TENM2: variants seen among roughly 807,000 people sequenced by gnomAD.
The protein encoded by TENM2 is teneurin-2.
In TENM2, 52 loss-of-function variants were observed where a neutral mutation model predicts 245.2. The observed-to-expected ratio is 0.21, with a 90% CI of 0.17 to 0.27. TENM2 has a LOEUF of 0.27. TENM2 is among the 10% of genes least tolerant of loss of function. TENM2 has a pLI of 1.00. For missense variants in TENM2, 3,046 were observed against 3,666.8 expected (o/e 0.83, Z 4.37); for synonymous variants, 1,363 against 1,438.9 (o/e 0.95, Z 1.19).
chr5:168,226,277 C>A lies in TENM2; in HGVS notation c.5284+14C>A. On this transcript the variant is annotated intron_variant, in intron 24 of 28. Transcript: ENST00000518659. ...CAGTGGTACAAGGTGAGCCTCCACC[C>A]ATACCATCCTACCCCCAAACTCACC... 1 of 1,609,142 alleles carries A rather than the reference C, an allele frequency of 6.2e-7. No homozygotes were observed.
At chr5:168,172,457 A>T (rs1581530455) in intron 13 of TENM2, among the ~76,000 whole-genome samples, 1 of 152,242 alleles carries the variant, frequency 6.6e-6, no homozygotes, top group Middle Eastern at 3.4e-3. Flanking sequence ...GGAGTCTTTC[A>T]TTATCCTTTA....
chr5:167,861,465 C>T (rs62384363), intron 2 of TENM2, among the ~76,000 whole-genome samples: 24,839 of 152,214 alleles, frequency 0.16, 2,679 homozygotes, highest in Middle Eastern at 0.26. Context: ...TCCCCAGAGC[C>T]TAAGAGCCAA....
intron 2 of TENM2, among the ~76,000 whole-genome samples, chr5:167,700,051 G>A (rs532623313): frequency 3.8e-4 from 58 of 152,178 alleles, no homozygotes; most frequent in African/African-American, 1.1e-3. Context: ...GACATCTTGA[G>A]TTCTTCAGAC....
At chr5:167,446,096 T>A (rs1317613015) in intron 2 of TENM2, among the ~76,000 whole-genome samples, 1 of 152,160 alleles carries the variant, frequency 6.6e-6, no homozygotes, top group East Asian at 1.9e-4. Flanking sequence ...TTCCGGGTAA[T>A]CACTTGTTGG....
At chr5:167,826,941 A>G (rs1384411684) in intron 2 of TENM2, among the ~76,000 whole-genome samples, 1 of 152,220 alleles carries the variant, frequency 6.6e-6, no homozygotes, top group African/African-American at 2.4e-5. Context: ...TGTTTTCTCT[A>G]TTTCCAAAAT....
intron 2 of TENM2, among the ~76,000 whole-genome samples, chr5:167,691,522 A>G (rs547919868): frequency 1.7e-4 from 26 of 152,310 alleles, no homozygotes; most frequent in East Asian, 1.2e-3. Flanking sequence ...TAGTGTGCAA[A>G]TGAAGATGGA....
At chr5:168,239,604 G>A (rs999515495) in intron 25 of TENM2, among the ~76,000 whole-genome samples, 1 of 152,042 alleles carries the variant, frequency 6.6e-6, no homozygotes, top group Admixed American at 6.5e-5. Flanking sequence ...GCACTAACCA[G>A]GCCTGATCCT....
chr5:167,209,049 C>T, the TENM2 span, among the ~76,000 whole-genome samples: 31,840 of 152,092 alleles, frequency 0.21, 3,996 homozygotes, highest in African/African-American at 0.35. Context: ...TTTGTAACTA[C>T]ACGTATTTCT....
At chr5:167,685,547 TGGTTC>T (rs1757018677) in intron 2 of TENM2, among the ~76,000 whole-genome samples, 1 of 152,234 alleles carries the variant, frequency 6.6e-6, no homozygotes. Flanking sequence ...TTGATACTGC[TGGTTC>T]ATTGATATAT....
At chr5:167,041,935 A>G in the TENM2 span, among the ~76,000 whole-genome samples, 3 of 152,212 alleles carry the variant, frequency 2.0e-5, no homozygotes, top group Admixed American at 2.0e-4. Context: ...AGCAAGGGAA[A>G]TGTTATTAAT....
chr5:167,976,087 G>A (rs1782422376), intron 4 of TENM2, among the ~76,000 whole-genome samples: 1 of 152,098 alleles, frequency 6.6e-6, no homozygotes, highest in Non-Finnish European at 1.5e-5. Context: ...ATGATACTTA[G>A]TCTGTCCCCT....
intron 2 of TENM2, among the ~76,000 whole-genome samples, chr5:167,843,908 A>G (rs929322809): frequency 6.6e-6 from 1 of 152,180 alleles, no homozygotes; most frequent in Admixed American, 6.5e-5. Context: ...GATTTGGGGT[A>G]TATTGTTTCT....
At chr5:167,022,105 T>G in the TENM2 span, among the ~76,000 whole-genome samples, 2 of 152,256 alleles carry the variant, frequency 1.3e-5, no homozygotes, top group Non-Finnish European at 2.9e-5. Context: ...ACATTTCTTC[T>G]GTTCTTGAAC....
intron 7 of TENM2, among the ~76,000 whole-genome samples, chr5:168,083,524 A>C (rs750050565): frequency 6.6e-6 from 1 of 152,208 alleles, no homozygotes; most frequent in African/African-American, 2.4e-5. Context: ...GTCTTCTGCA[A>C]TGCTCACACT....
At chr5:167,879,820 CTGTT>C (rs1403642063) in intron 3 of TENM2, among the ~76,000 whole-genome samples, 4 of 152,124 alleles carry the variant, frequency 2.6e-5, no homozygotes, top group Non-Finnish European at 2.9e-5. Flanking sequence ...CAGAGAGTCT[CTGTT>C]TGTAACTGAG....
chr5:168,242,812 G>A (rs1347470166), intron 25 of TENM2, among the ~76,000 whole-genome samples: 1 of 152,074 alleles, frequency 6.6e-6, no homozygotes, highest in East Asian at 1.9e-4. Context: ...AATTAGCCCA[G>A]TATGATGGCA....
chr5:167,394,226 AT>A (rs561541960), intron 2 of TENM2, among the ~76,000 whole-genome samples: 2 of 151,974 alleles, frequency 1.3e-5, no homozygotes, highest in South Asian at 2.1e-4. Context: ...TTCTTTCCCA[AT>A]TTTTTTTAGG....
At chr5:168,134,459 G>A (rs1247083100) in intron 12 of TENM2, among the ~76,000 whole-genome samples, 2 of 152,148 alleles carry the variant, frequency 1.3e-5, no homozygotes, top group African/African-American at 2.4e-5. Context: ...GCCGAGGCGG[G>A]TGGATCGCCT....
At chr5:167,265,207 C>T in the TENM2 span, among the ~76,000 whole-genome samples, 1 of 151,424 alleles carries the variant, frequency 6.6e-6, no homozygotes, top group Admixed American at 6.6e-5. Flanking sequence ...GTGGTGGGCA[C>T]CTGTAGTCCC....
Sources: allele counts gnomAD v4.1 joint callset (sites outside exome capture counted in the v4.1 genomes callset), GRCh38; gene constraint gnomAD v4.1.1; transcripts MANE v1.5; gene names NCBI Gene and HGNC (gene_info 2026-07-23, HGNC 2026-07-21).